Variants in LGSN observed in about 807,000 individuals in gnomAD.
LGSN encodes the protein lengsin, lens protein with glutamine synthetase domain.
LGSN carries 21 observed loss-of-function variants against 19.5 expected under a neutral mutation model. The observed-to-expected ratio is 1.07, with a 90% confidence interval of 0.76 to 1.55. The LOEUF is 1.55. Among genes scored for constraint, LGSN ranks in the 40% most tolerant of loss-of-function variants. The pLI is 0.00. For synonymous variants in LGSN, 257 were observed against 215.6 expected, an observed-to-expected ratio of 1.19 and a Z score of -1.68; for missense variants, 673 against 608.5, an observed-to-expected ratio of 1.11 and a Z score of -1.12.
chr6:63,432,174 G>GAAA, the LGSN span, among the ~76,000 whole-genome samples: 723 of 22,622 alleles, frequency 0.032, 36 homozygotes, highest in South Asian at 0.039. Flanking sequence ...AGAAAGAAAA[G>GAAA]GAAAGAAAGA....
Position 63,281,227 on chromosome 6 carries a change from A to G in LGSN, c.331-7T>C, listed in dbSNP as rs372483477. ...CACCATGGCTCACTTTCTCCTAAAG[A>G]AGGAAAAAAATGAAGAAATTAGGTT... On this transcript the variant is annotated splice_polypyrimidine_tract_variant and splice_region_variant and intron_variant, in intron 3 of 3. Transcript: ENST00000370657. 6.8e-7 allele frequency: 1 copy of G among 1,468,240 alleles called. No individual in the cohort carries two copies. The highest frequency in any genetic ancestry group is 1.4e-5 in the African/African-American group (1 of 69,766). 91.0% of individuals were successfully genotyped at this position (1,468,240 alleles called of 1,614,324 possible). A position where few individuals can be genotyped will look rare whatever the true frequency, so the allele number is the denominator to read the frequency against.
the LGSN span, chr6:63,573,306 G>C: frequency 6.6e-6 from 1 of 152,608 alleles, no homozygotes; most frequent in Non-Finnish European, 1.5e-5. Context: ...CGGGCGTGGG[G>C]TAGGCCGGAC....
At chr6:63,481,534 G>A in the LGSN span, among the ~76,000 whole-genome samples, 1 of 151,264 alleles carries the variant, frequency 6.6e-6, no homozygotes, top group African/African-American at 2.4e-5. Flanking sequence ...TTTTAGTAGA[G>A]ACGGGGTTTC....
the LGSN span, among the ~76,000 whole-genome samples, chr6:63,477,530 T>C: frequency 1.3e-5 from 2 of 152,044 alleles, no homozygotes; most frequent in Admixed American, 6.6e-5. Context: ...GGGTTTAACA[T>C]AGAAATGGAG....
At chr6:63,485,852 C>A in the LGSN span, among the ~76,000 whole-genome samples, 1 of 152,166 alleles carries the variant, frequency 6.6e-6, no homozygotes, top group Admixed American at 6.5e-5. Flanking sequence ...CCTCAGCCTC[C>A]TGAGTAGCTG....
At chr6:63,379,794 G>A in the LGSN span, among the ~76,000 whole-genome samples, 1 of 152,116 alleles carries the variant, frequency 6.6e-6, no homozygotes, top group African/African-American at 2.4e-5. Flanking sequence ...TTGCAGGCTT[G>A]TAAAATGTTG....
the LGSN span, among the ~76,000 whole-genome samples, chr6:63,548,389 A>T: frequency 1.3e-5 from 2 of 152,326 alleles, no homozygotes; most frequent in Admixed American, 1.3e-4. Flanking sequence ...CAGGCTTAGA[A>T]CGGCACTAGG....
At chr6:63,358,096 T>G in the LGSN span, among the ~76,000 whole-genome samples, 123 of 152,374 alleles carry the variant, frequency 8.1e-4, no homozygotes, top group African/African-American at 2.9e-3. Context: ...GGGAATCCTT[T>G]CCCCATTGCT....
chr6:63,484,546 A>G, the LGSN span, among the ~76,000 whole-genome samples: 2 of 152,100 alleles, frequency 1.3e-5, no homozygotes, highest in African/African-American at 4.8e-5. Flanking sequence ...AAAAAATCCC[A>G]GAAGACTACC....
chr6:63,550,887 A>G, the LGSN span, among the ~76,000 whole-genome samples: 12 of 152,232 alleles, frequency 7.9e-5, no homozygotes, highest in South Asian at 2.3e-3. Context: ...CGGCCTCCCA[A>G]AGTGTTTGGA....
chr6:63,501,356 T>G, the LGSN span, among the ~76,000 whole-genome samples: 1 of 119,564 alleles, frequency 8.4e-6, no homozygotes. Context: ...GAACAAAACT[T>G]CGTCTCAAAA....
At chr6:63,543,831 A>G in the LGSN span, among the ~76,000 whole-genome samples, 4 of 152,284 alleles carry the variant, frequency 2.6e-5, no homozygotes, top group African/African-American at 9.6e-5. Context: ...GTGTAATAAG[A>G]GTTTCTTTTA....
chr6:63,339,748 G>T, the LGSN span, among the ~76,000 whole-genome samples: 9 of 152,036 alleles, frequency 5.9e-5, no homozygotes, highest in Non-Finnish European at 8.8e-5. Context: ...TATATCTTTT[G>T]TTCCTTTCTT....
rs771569178 is a variant in LGSN, at chr6:63,281,112, T to C, written c.439A>G (p.Ile147Val). The change falls in exon 4 of 4, where the codon ATA becomes GTA. Residue 147 changes from isoleucine (I) to valine (V), a missense_variant. Ile to Val is a conservative substitution (Grantham distance 29). Transcript: ENST00000370657. ...NIRATCFNSD[I>V]VLMPELSTFR... ...GTTGATAACTCTGGCATTAGGACTA[T>C]GTCGCTATTAAAACATGTGGCTCTT... 4 of 1,613,930 alleles carry C rather than the reference T, an allele frequency of 2.5e-6. No homozygotes were observed. Among genetic ancestry groups the C allele is most frequent in the Non-Finnish European group, 3.4e-6 (4 of 1,179,978 alleles).
the LGSN span, among the ~76,000 whole-genome samples, chr6:63,548,364 A>G: frequency 6.6e-6 from 1 of 152,330 alleles, no homozygotes; most frequent in African/African-American, 2.4e-5. Context: ...GGATAAAATG[A>G]ATTTATACGT....
chr6:63,544,451 C>T, the LGSN span, among the ~76,000 whole-genome samples: 1 of 152,060 alleles, frequency 6.6e-6, no homozygotes, highest in Non-Finnish European at 1.5e-5. Flanking sequence ...TACATAACTG[C>T]AGCACAATTA....
At chr6:63,313,667 C>T (rs1303224244) in intron 1 of LGSN, among the ~76,000 whole-genome samples, 1 of 151,884 alleles carries the variant, frequency 6.6e-6, no homozygotes, top group Non-Finnish European at 1.5e-5. Flanking sequence ...AGACCCCCAT[C>T]TCTACTAAAA....
chr6:63,406,325 G>A, the LGSN span, among the ~76,000 whole-genome samples: 6 of 152,012 alleles, frequency 3.9e-5, no homozygotes, highest in African/African-American at 1.2e-4. Flanking sequence ...ATAACAAACT[G>A]TCTCTCAGAC....
chr6:63,356,256 CA>C, the LGSN span, among the ~76,000 whole-genome samples: 1 of 152,098 alleles, frequency 6.6e-6, no homozygotes, highest in Non-Finnish European at 1.5e-5. Context: ...AATAATAAAG[CA>C]GGCCAGGCAC....
Sources: gnomAD v4.1 joint callset for allele counts (sites outside exome capture counted in the v4.1 genomes callset) on GRCh38, gnomAD v4.1.1 for gene constraint, MANE v1.5 for transcripts, NCBI Gene and HGNC (gene_info 2026-07-23, HGNC 2026-07-21) for gene names.